The following PIGK variants were observed in gnomAD, a reference collection of about 807,000 sequenced individuals.
PIGK encodes GPI-anchor transamidase.
In PIGK, 42 loss-of-function variants were observed where a neutral mutation model predicts 50.6. The observed-to-expected ratio is 0.83, with a 90% confidence interval of 0.65 to 1.07. PIGK has a LOEUF of 1.07. Ranked by LOEUF, PIGK falls within the 50% of genes least tolerant of loss-of-function variation. PIGK has a pLI of 0.00. For missense variants in PIGK, 448 were observed against 488.7 expected (o/e 0.92, Z 0.78); for synonymous variants, 151 against 156.0 (o/e 0.97, Z 0.24).
At chr1:77,172,436 C>T (rs1464284117) in intron 3 of PIGK, among the ~76,000 whole-genome samples, 4 of 152,270 alleles carry the variant, frequency 2.6e-5, no homozygotes, top group African/African-American at 9.6e-5. Context: ...GCATTGGAGT[C>T]TCTCTGAATC....
At chr1:77,185,567 T>C (rs550229083) in intron 3 of PIGK, among the ~76,000 whole-genome samples, 1 of 151,862 alleles carries the variant, frequency 6.6e-6, no homozygotes, top group Non-Finnish European at 1.5e-5. Flanking sequence ...CAATGCCCAG[T>C]GGGCCTAACT....
chr1:77,122,765 C>G (rs34939956), intron 9 of PIGK, among the ~76,000 whole-genome samples: 4 of 152,212 alleles, frequency 2.6e-5, no homozygotes, highest in African/African-American at 9.6e-5. Flanking sequence ...TTATATTTAA[C>G]TACTGGCCAA....
chr1:77,154,397 G>A (rs1654961612), intron 9 of PIGK, 52 bp downstream of exon 9: 1 of 1,377,080 alleles, frequency 7.3e-7, no homozygotes, highest in Non-Finnish European at 1.0e-6. Flanking sequence ...TCAAAAAAAT[G>A]TACAAACTGT....
intron 10 of PIGK, among the ~76,000 whole-genome samples, chr1:77,111,766 A>G (rs1570189578): frequency 6.6e-6 from 1 of 152,300 alleles, no homozygotes; most frequent in South Asian, 2.1e-4. Context: ...ATAATAAAAA[A>G]TAAAATTATA....
intron 9 of PIGK, among the ~76,000 whole-genome samples, chr1:77,138,484 T>C (rs72683904): frequency 0.037 from 5,669 of 152,260 alleles, 207 homozygotes; most frequent in South Asian, 0.21. Context: ...CAACAATGAG[T>C]GAGCTTGGAA....
intron 3 of PIGK, among the ~76,000 whole-genome samples, chr1:77,204,943 T>G (rs909992858): frequency 3.3e-5 from 5 of 152,200 alleles, no homozygotes; most frequent in African/African-American, 1.2e-4. Context: ...TTTAAATCCT[T>G]AATTACCCCA....
chr1:77,216,348 T>G (rs533293524), intron 1 of PIGK, among the ~76,000 whole-genome samples: 1 of 152,252 alleles, frequency 6.6e-6, no homozygotes, highest in South Asian at 2.1e-4. Context: ...GATTTTAGAG[T>G]GTACATGTAA....
At chr1:77,177,546 A>C (rs1447168400) in intron 3 of PIGK, among the ~76,000 whole-genome samples, 2 of 152,212 alleles carry the variant, frequency 1.3e-5, no homozygotes, top group African/African-American at 2.4e-5. Flanking sequence ...GTTAATCTAT[A>C]ATCTATAAAA....
chr1:77,151,361 C>T (rs1314739805), intron 9 of PIGK, among the ~76,000 whole-genome samples: 1 of 152,078 alleles, frequency 6.6e-6, no homozygotes, highest in Non-Finnish European at 1.5e-5. Context: ...ATGATAAAGG[C>T]CATACATAAC....
At chr1:77,110,270 A>C (rs944790852) in intron 10 of PIGK, among the ~76,000 whole-genome samples, 2 of 152,194 alleles carry the variant, frequency 1.3e-5, no homozygotes, top group Admixed American at 6.5e-5. Flanking sequence ...TTTAAAGTTC[A>C]TATGGAACCA....
At chr1:77,202,158 T>C (rs1656184584) in intron 3 of PIGK, among the ~76,000 whole-genome samples, 1 of 152,174 alleles carries the variant, frequency 6.6e-6, no homozygotes, top group Admixed American at 6.5e-5. Flanking sequence ...ATGGTATTCA[T>C]AAAAGTTTCC....
chr1:77,159,935 GT>G (rs1394738125), intron 8 of PIGK, among the ~76,000 whole-genome samples: 1 of 152,174 alleles, frequency 6.6e-6, no homozygotes, highest in African/African-American at 2.4e-5. Context: ...GGCACGATTG[GT>G]TTTGAAATAC....
intron 9 of PIGK, among the ~76,000 whole-genome samples, chr1:77,140,095 T>A (rs192450097): frequency 6.6e-6 from 1 of 152,272 alleles, no homozygotes; most frequent in African/African-American, 2.4e-5. Flanking sequence ...TGAACTGTAA[T>A]CCCCAATGCT....
At chr1:77,095,531 TTA>T (rs1387971543) in intron 10 of PIGK, among the ~76,000 whole-genome samples, 2 of 152,034 alleles carry the variant, frequency 1.3e-5, no homozygotes, top group African/African-American at 2.4e-5. Flanking sequence ...GCACACCTCT[TTA>T]TATGTCCATT....
chr1:77,190,197 G>A (rs1570252452), intron 3 of PIGK, among the ~76,000 whole-genome samples: 1 of 151,794 alleles, frequency 6.6e-6, no homozygotes, highest in African/African-American at 2.4e-5. Flanking sequence ...AGACCAGCCT[G>A]GGCCACTTGG....
chr1:77,116,200 T>C (rs1390996595), intron 10 of PIGK, among the ~76,000 whole-genome samples: 1 of 152,110 alleles, frequency 6.6e-6, no homozygotes, highest in East Asian at 1.9e-4. Context: ...TCTTTTTTTT[T>C]TGAGACAGAG....
intron 1 of PIGK, among the ~76,000 whole-genome samples, chr1:77,216,230 C>A (rs1656561765): frequency 6.6e-6 from 1 of 151,878 alleles, no homozygotes; most frequent in Non-Finnish European, 1.5e-5. Flanking sequence ...ATTATTGTGC[C>A]AATTAAAATA....
chr1:77,106,914 T>A (rs994376727), intron 10 of PIGK, among the ~76,000 whole-genome samples: 1 of 152,216 alleles, frequency 6.6e-6, no homozygotes, highest in African/African-American at 2.4e-5. Flanking sequence ...AGTTTGTATT[T>A]CTCTGGGATC....
intron 10 of PIGK, among the ~76,000 whole-genome samples, chr1:77,103,481 C>A (rs938843654): frequency 1.3e-5 from 2 of 152,114 alleles, no homozygotes; most frequent in African/African-American, 4.8e-5. Context: ...ATTATCTGCC[C>A]ATCTTGAACA....
Sources: gnomAD v4.1 joint callset for allele counts (sites outside exome capture counted in the v4.1 genomes callset) on GRCh38, gnomAD v4.1.1 for gene constraint, MANE v1.5 for transcripts, NCBI Gene and HGNC (gene_info 2026-07-23, HGNC 2026-07-21) for gene names.